TBXAS1: variants seen among roughly 807,000 people sequenced by gnomAD.
TBXAS1 encodes thromboxane A synthase 1, also known as thromboxane-A synthase.
Under a neutral mutation model 60.7 loss-of-function variants are expected in TBXAS1, and 48 were observed. That is an observed-to-expected ratio of 0.79 (90% CI 0.63 to 1.01). The LOEUF (loss-of-function observed/expected upper bound fraction) is 1.01, where lower values mean the gene tolerates loss of function less well. Ranked by LOEUF, TBXAS1 falls within the 50% of genes least tolerant of loss-of-function variation. The probability of loss-of-function intolerance (pLI) is 0.00; values close to 1 mark genes in which losing one functional copy is unlikely to be tolerated. For synonymous variants in TBXAS1, 287 were observed against 269.7 expected (o/e 1.06, Z -0.63); for missense variants, 685 against 686.3 (o/e 1.00, Z 0.02).
At chr7:139,824,980 C>A (rs1315788944), upstream of TBXAS1, among the ~76,000 whole-genome samples, 1 of 151,804 alleles carries the variant, frequency 6.6e-6, no homozygotes, top group Non-Finnish European at 1.5e-5. Flanking sequence ...CAGGCACCTG[C>A]CATCATGCCT....
At chr7:139,905,005 CTCTT>C (rs775007248) in intron 3 of TBXAS1, among the ~76,000 whole-genome samples, 2,004 of 90,184 alleles carry the variant, frequency 0.022, 30 homozygotes, top group East Asian at 0.051. Flanking sequence ...CTCTCTTTCT[CTCTT>C]TCTTTCTTTC....
At position 139,955,453 on chromosome 7, in the gene TBXAS1, C is replaced by T; in HGVS notation, c.540-6C>T. 6.2e-7 allele frequency: 1 copy of T among 1,614,184 alleles called. No homozygotes were observed. Among genetic ancestry groups the T allele is most frequent in the Non-Finnish European group, 8.5e-7 (1 of 1,180,032 alleles). On this transcript the variant is annotated splice_region_variant and splice_polypyrimidine_tract_variant and intron_variant, in intron 6 of 12. Transcript: ENST00000448866. Reference sequence around the variant, plus strand: ...TTTCAGATCTCTGTGCTCCCATCTCCCGTAGGTGCTACTGCAATTACACCA... The same window carrying T: ...TTTCAGATCTCTGTGCTCCCATCTCTCGTAGGTGCTACTGCAATTACACCA...
intron 9 of TBXAS1, among the ~76,000 whole-genome samples, chr7:140,002,625 G>A (rs890140681): frequency 2.6e-5 from 4 of 152,194 alleles, no homozygotes; most frequent in Non-Finnish European, 4.4e-5. Flanking sequence ...AGGTGTGTGC[G>A]TCCTTCTGCC....
rs929267660 is a variant in TBXAS1 at position 139,916,822 on chromosome 7, C to T, written c.333+5501C>T. Among the ~76,000 whole-genome samples, 3 of 152,324 alleles carry T rather than the reference C, an allele frequency of 2.0e-5. No homozygotes were observed. Among genetic ancestry groups the T allele is most frequent in the Middle Eastern group, 3.4e-3 (1 of 294 alleles). On this transcript the variant is annotated intron_variant, in intron 4 of 12. Coordinates refer to ENST00000448866, the MANE Select transcript of TBXAS1 (RefSeq NM_001061.7). The surrounding 1 kb of genome is among the most constrained non-coding windows in gnomAD (Gnocchi z 4.2). Reference sequence around the variant, plus strand: ...TACAGGTGAGTCAGACGCCCTTGTGCGGGGGCCACAGGGACCCGCCTGCTG... The same window carrying T: ...TACAGGTGAGTCAGACGCCCTTGTGTGGGGGCCACAGGGACCCGCCTGCTG...
chr7:139,934,298 T>C (rs1584888394), intron 4 of TBXAS1, among the ~76,000 whole-genome samples: 1 of 151,872 alleles, frequency 6.6e-6, no homozygotes, highest in African/African-American at 2.4e-5. Flanking sequence ...AAGTGATTCT[T>C]CTGCCTCAAC....
At chr7:139,824,662 C>A (rs1798387461), upstream of TBXAS1, among the ~76,000 whole-genome samples, 1 of 151,960 alleles carries the variant, frequency 6.6e-6, no homozygotes, top group Admixed American at 6.6e-5. Flanking sequence ...GATCTTGTTT[C>A]CATAAAAACT....
At chr7:139,940,484 C>T (rs1808199767) in intron 5 of TBXAS1, among the ~76,000 whole-genome samples, 1 of 152,144 alleles carries the variant, frequency 6.6e-6, no homozygotes, top group Non-Finnish European at 1.5e-5. Flanking sequence ...TGAGAATTCG[C>T]ATGTCACGAG....
At chr7:140,003,734 G>A (rs1450998227) in intron 9 of TBXAS1, among the ~76,000 whole-genome samples, 1 of 152,212 alleles carries the variant, frequency 6.6e-6, no homozygotes, top group African/African-American at 2.4e-5. Flanking sequence ...TTTTCTTTTT[G>A]AGATATAGTT....
intron 3 of TBXAS1, among the ~76,000 whole-genome samples, chr7:139,876,739 T>G (rs1168693512): frequency 6.6e-6 from 1 of 152,200 alleles, no homozygotes; most frequent in African/African-American, 2.4e-5. Context: ...GATGTTAAGA[T>G]GCTCTCTGTA....
At position 140,004,822 on chromosome 7, in the gene TBXAS1, G is replaced by A. The variant is rs1176232493; in HGVS notation, c.1135-2269G>A. ...TATGACACCCTCAGTACCTGGGCTA[G>A]GGGTGGGCAGAGGTTTGCCCCCATC... On this transcript the variant is annotated intron_variant, in intron 9 of 12. Transcript: ENST00000448866. The surrounding 1 kb of genome is among the most constrained non-coding windows in gnomAD (Gnocchi z 5.1). Among the ~76,000 whole-genome samples, 1 of 152,246 alleles carries A rather than the reference G, an allele frequency of 6.6e-6. No homozygotes were observed. The highest frequency in any genetic ancestry group is 1.5e-5 in the Non-Finnish European group (1 of 68,036).
At chr7:139,803,622 G>A (rs1347828038) in intron 4 of TBXAS1, among the ~76,000 whole-genome samples, 1 of 152,140 alleles carries the variant, frequency 6.6e-6, no homozygotes, top group Non-Finnish European at 1.5e-5. Context: ...CACAGGCCCA[G>A]AGGTCTAGGG....
chr7:139,856,422 T>G (rs1800587774), intron 1 of TBXAS1, among the ~76,000 whole-genome samples: 1 of 152,146 alleles, frequency 6.6e-6, no homozygotes, highest in Non-Finnish European at 1.5e-5. Flanking sequence ...GGGATGAGTG[T>G]GTCAATGGAA....
chr7:139,993,615 C>A (rs1261403717), intron 9 of TBXAS1, among the ~76,000 whole-genome samples: 1 of 152,178 alleles, frequency 6.6e-6, no homozygotes, highest in Non-Finnish European at 1.5e-5. Flanking sequence ...AATTTCTTAT[C>A]AATTGAACAC....
intron 4 of TBXAS1, among the ~76,000 whole-genome samples, chr7:139,802,158 GTCCC>G (rs1162929514): frequency 6.6e-6 from 1 of 152,124 alleles, no homozygotes. Context: ...ATTTTTATCT[GTCCC>G]TCCATCAAAT....
intron 9 of TBXAS1, among the ~76,000 whole-genome samples, chr7:139,968,374 A>G (rs1810946219): frequency 6.6e-6 from 1 of 152,140 alleles, no homozygotes; most frequent in African/African-American, 2.4e-5. Flanking sequence ...GGCTCATTGC[A>G]ACCTCCACTT....
intron 5 of TBXAS1, among the ~76,000 whole-genome samples, chr7:139,941,151 C>T (rs1449076117): frequency 6.6e-6 from 1 of 152,148 alleles, no homozygotes; most frequent in African/African-American, 2.4e-5. Flanking sequence ...CTAGTCCTTT[C>T]TGAATTTGTA....
At chr7:139,880,007 C>A (rs1030714811) in intron 3 of TBXAS1, among the ~76,000 whole-genome samples, 1 of 152,112 alleles carries the variant, frequency 6.6e-6, no homozygotes, top group Non-Finnish European at 1.5e-5. Flanking sequence ...CCTCAGCCAA[C>A]CAAGTTGCTG....
intron 3 of TBXAS1, 69 bp downstream of exon 3, chr7:139,875,706 C>A: frequency 6.5e-7 from 1 of 1,545,912 alleles, no homozygotes. Flanking sequence ...TTGATTTTCA[C>A]GTGTTGAACT....
intron 1 of TBXAS1, among the ~76,000 whole-genome samples, chr7:139,848,086 G>A (rs1799940462): frequency 6.6e-6 from 1 of 152,174 alleles, no homozygotes; most frequent in East Asian, 1.9e-4. Flanking sequence ...CTCCCAAGTA[G>A]CTGGGACTAT....
Sources: allele counts gnomAD v4.1 joint callset (sites outside exome capture counted in the v4.1 genomes callset), GRCh38; gene constraint gnomAD v4.1.1; non-coding constraint Gnocchi (gnomAD v3.1); transcripts MANE v1.5; gene names NCBI Gene and HGNC (gene_info 2026-07-23, HGNC 2026-07-21).